NMS: variants seen among roughly 807,000 people sequenced by gnomAD.
NMS encodes the protein neuromedin-S.
NMS carries 30 observed loss-of-function variants against 32.2 expected under a neutral mutation model. The observed-to-expected ratio is 0.93, with a 90% CI of 0.70 to 1.26. NMS has a LOEUF of 1.26. NMS is among the 50% of genes most tolerant of loss of function. The pLI is 0.00. For synonymous variants in NMS, 76 were observed against 58.5 expected (o/e 1.30, Z -1.37); for missense variants, 190 against 186.3 (o/e 1.02, Z -0.12).
chr2:100,477,114 T>C, intron 3 of NMS, 130 bp from the exon 4 acceptor site: 1 of 729,648 alleles, frequency 1.4e-6, no homozygotes, highest in Non-Finnish European at 2.3e-6. Flanking sequence ...AATTTCTTTT[T>C]AGATTGCCAA....
At chr2:100,481,236 C>A in intron 8 of NMS, 69 bp downstream of exon 8, 1 of 1,428,122 alleles carries the variant, frequency 7.0e-7, no homozygotes, top group Non-Finnish European at 9.9e-7. Context: ...CATGGAGTGA[C>A]TGCAAACAGC....
intron 2 of NMS, 61 bp downstream of exon 2, chr2:100,472,911 G>A: frequency 9.5e-7 from 1 of 1,055,124 alleles, no homozygotes; most frequent in Middle Eastern, 2.0e-4. Flanking sequence ...TACATCATGT[G>A]TATAATGTTC....
intron 5 of NMS, 80 bp from the exon 6 acceptor site, chr2:100,479,273 A>C: frequency 3.1e-6 from 3 of 955,714 alleles, no homozygotes; most frequent in Non-Finnish European, 4.5e-6. Flanking sequence ...GTAGAAAGAA[A>C]TGCGCATAGC....
At chr2:100,474,005 A>C (rs1677053559) in intron 3 of NMS, among the ~76,000 whole-genome samples, 1 of 151,958 alleles carries the variant, frequency 6.6e-6, no homozygotes, top group African/African-American at 2.4e-5. Context: ...AGGTGAAACC[A>C]TGTCTCTACT....
intron 8 of NMS, among the ~76,000 whole-genome samples, chr2:100,481,756 C>T (rs1468304885): frequency 2.6e-5 from 4 of 152,230 alleles, no homozygotes; most frequent in African/African-American, 9.6e-5. Flanking sequence ...CTGCACCCGA[C>T]ATTTGTGATG....
At chr2:100,479,500 C>A in intron 6 of NMS, 73 bp downstream of exon 6, 1 of 1,281,666 alleles carries the variant, frequency 7.8e-7, no homozygotes, top group Non-Finnish European at 1.1e-6. Flanking sequence ...AGCATGCTGT[C>A]ACCTTGGGGC....
chr2:100,481,080 T>C (rs1410182060), intron 7 of NMS, 46 bp from the exon 8 acceptor site: 1 of 1,601,498 alleles, frequency 6.2e-7, no homozygotes, highest in Non-Finnish European at 8.6e-7. Context: ...GAAGAACTTG[T>C]AATGCAATAT....
intron 8 of NMS, among the ~76,000 whole-genome samples, 170 bp downstream of exon 8, chr2:100,481,337 C>T (rs1203278123): frequency 6.6e-6 from 1 of 152,162 alleles, no homozygotes; most frequent in Non-Finnish European, 1.5e-5. Context: ...TCTCCTCCTA[C>T]AATCTTGCAA....
chr2:100,476,014 A>AAAAAGGG, intron 3 of NMS, among the ~76,000 whole-genome samples: 1 of 150,520 alleles, frequency 6.6e-6, no homozygotes, highest in Non-Finnish European at 1.5e-5. Context: ...AAAAAAAAGA[A>AAAAAGGG]AAGAAAAGAA....
At chr2:100,482,173 A>G (rs1448591965) in intron 8 of NMS, 104 bp from the exon 9 acceptor site, 4 of 1,127,294 alleles carry the variant, frequency 3.5e-6, no homozygotes, top group Non-Finnish European at 5.4e-6. Context: ...AGTCCTAGTT[A>G]GAAGAATGAG....
intron 3 of NMS, among the ~76,000 whole-genome samples, chr2:100,475,674 T>C (rs1358965099): frequency 6.6e-6 from 1 of 152,146 alleles, no homozygotes; most frequent in Non-Finnish European, 1.5e-5. Context: ...ACAACATAGA[T>C]CAGTAAACTT....
intron 5 of NMS, 55 bp from the exon 6 acceptor site, chr2:100,479,298 A>C: frequency 7.4e-7 from 1 of 1,353,124 alleles, no homozygotes; most frequent in Non-Finnish European, 1.0e-6. Context: ...GGCTCTCAAA[A>C]TACCCCTCTG....
chr2:100,470,979 A>C (rs13428101), intron 1 of NMS, among the ~76,000 whole-genome samples: 35,859 of 152,164 alleles, frequency 0.24, 4,444 homozygotes, highest in East Asian at 0.34. Context: ...CAGTTCGAGA[A>C]GGGCGCGGGA....
At chr2:100,480,849 A>G (rs555021891) in intron 7 of NMS, among the ~76,000 whole-genome samples, 1 of 152,296 alleles carries the variant, frequency 6.6e-6, no homozygotes, top group Admixed American at 6.5e-5. Flanking sequence ...AGACTCCAAT[A>G]GAGGTACTGC....
chr2:100,481,151 C>A lies in NMS; in HGVS notation c.398C>A (p.Pro133His). The A allele has an allele frequency of 6.2e-7, 1 of 1,614,114 alleles. No individual in the cohort carries two copies. Among genetic ancestry groups the A allele is most frequent in the Non-Finnish European group, 8.5e-7 (1 of 1,180,002 alleles). The change falls in exon 8 of 10, where the codon CCC (proline) becomes CAC (histidine). Residue 133 changes from proline (P) to histidine (H), a missense_variant. Physicochemically the swap from Pro to His is moderately conservative, Grantham distance 77. Coordinates refer to ENST00000376865, the MANE Select transcript of NMS (RefSeq NM_001011717.1). Reference sequence around the variant, plus strand: ...GATCACACTGCGACCTGGGGACGACCCTTTTTCCTTTTCAGGGTATAGCAT... The same window carrying A: ...GATCACACTGCGACCTGGGGACGACACTTTTTCCTTTTCAGGGTATAGCAT... ...KKDHTATWGR[P>H]FFLFRPRNGR...
chr2:100,478,823 C>T (rs1677160736), intron 5 of NMS, among the ~76,000 whole-genome samples: 1 of 152,098 alleles, frequency 6.6e-6, no homozygotes, highest in African/African-American at 2.4e-5. Flanking sequence ...AACAAACAAA[C>T]AAAAAAACTG....
intron 5 of NMS, among the ~76,000 whole-genome samples, chr2:100,477,850 A>G (rs914832773): frequency 1.3e-5 from 2 of 152,124 alleles, no homozygotes; most frequent in Non-Finnish European, 2.9e-5. Flanking sequence ...GTGCAAAGGG[A>G]ATAGAAACCA....
chr2:100,474,495 C>A (rs1677069240), intron 3 of NMS, among the ~76,000 whole-genome samples: 1 of 152,194 alleles, frequency 6.6e-6, no homozygotes, highest in Admixed American at 6.5e-5. Context: ...ACAATCCAGA[C>A]TCTAAAACAA....
intron 1 of NMS, 71 bp downstream of exon 1, chr2:100,470,635 AG>A: frequency 1.6e-6 from 2 of 1,244,044 alleles, no homozygotes; most frequent in African/African-American, 1.5e-5. Flanking sequence ...TTGATCCCCC[AG>A]GGCAGCTCTG....
Sources: gnomAD v4.1 joint callset for allele counts (sites outside exome capture counted in the v4.1 genomes callset) on GRCh38, gnomAD v4.1.1 for gene constraint, MANE v1.5 for transcripts, NCBI Gene and HGNC (gene_info 2026-07-23, HGNC 2026-07-21) for gene names.